NTM: variants seen among roughly 807,000 people sequenced by gnomAD.
The protein encoded by NTM is neurotrimin.
In NTM, 13 loss-of-function variants were observed where a neutral mutation model predicts 42.1. The ratio of observed to expected loss-of-function variants is 0.31; its 90% CI spans 0.20 to 0.49. NTM has a LOEUF of 0.49. Among genes scored for constraint, NTM ranks in the 20% least tolerant of loss-of-function variants. The pLI, the probability that NTM is intolerant of heterozygous loss-of-function variation, is 0.99. For synonymous variants in NTM, 187 were observed against 179.2 expected (o/e 1.04, Z -0.35); for missense variants, 373 against 452.8 (o/e 0.82, Z 1.60).
At chr11:131,771,016 G>A (rs1202955563) in intron 1 of NTM, 1 of 152,046 alleles carries the variant, frequency 6.6e-6, no homozygotes, top group Non-Finnish European at 1.5e-5. Flanking sequence ...TAGCACTGGT[G>A]ACTCACAAGA....
At chr11:131,801,751 C>T (rs2092132558) in intron 1 of NTM, among the ~76,000 whole-genome samples, 1 of 152,092 alleles carries the variant, frequency 6.6e-6, no homozygotes, top group Non-Finnish European at 1.5e-5. Context: ...TTAATGGTGG[C>T]ACGGGAACCA....
chr11:131,542,711 T>C (rs997295043), intron 1 of NTM, among the ~76,000 whole-genome samples: 1 of 152,132 alleles, frequency 6.6e-6, no homozygotes, highest in Non-Finnish European at 1.5e-5. Flanking sequence ...TGTCTCCAGG[T>C]AGCAGAGACA....
intron 1 of NTM, among the ~76,000 whole-genome samples, chr11:131,545,394 C>G (rs1479574647): frequency 6.6e-6 from 1 of 151,920 alleles, no homozygotes; most frequent in Non-Finnish European, 1.5e-5. Context: ...TTCTCATTCT[C>G]TTTCCTTTCC....
At chr11:131,789,641 AGAAGAAGAAGAAGAAGAAGAAGAAG>A (rs1565553168) in intron 1 of NTM, among the ~76,000 whole-genome samples, 8 of 125,866 alleles carry the variant, frequency 6.4e-5, no homozygotes, top group African/African-American at 2.4e-4. Flanking sequence ...GAAGAAAAGA[AGAAGAAGAAGAAGAAGAAGAAGAAG>A]AAAGCATGGG....
intron 1 of NTM, among the ~76,000 whole-genome samples, chr11:131,445,925 A>G (rs1950022639): frequency 6.6e-6 from 1 of 152,210 alleles, no homozygotes; most frequent in South Asian, 2.1e-4. Context: ...CCCTACAAGG[A>G]TAGATCTGAG....
intron 3 of NTM, among the ~76,000 whole-genome samples, chr11:132,170,426 A>G (rs1328721901): frequency 6.6e-6 from 1 of 152,204 alleles, no homozygotes; most frequent in Non-Finnish European, 1.5e-5. Context: ...CTTCCTTTAG[A>G]AAAGCTCTAT....
intron 4 of NTM, among the ~76,000 whole-genome samples, chr11:132,266,352 GT>G: frequency 6.6e-6 from 1 of 152,304 alleles, no homozygotes; most frequent in Non-Finnish European, 1.5e-5. Flanking sequence ...CCAGTGTGGA[GT>G]GGGGAGCCCT....
chr11:131,411,456 G>A (rs11825684), intron 1 of NTM, among the ~76,000 whole-genome samples: 2 of 151,724 alleles, frequency 1.3e-5, no homozygotes, highest in Admixed American at 6.6e-5. Flanking sequence ...GGAGAAAAAG[G>A]CTTCCGGATT....
rs538473624 is a variant in NTM, at chr11:132,060,916, G to A, written c.168-85366G>A. On this transcript the variant is annotated intron_variant, in intron 2 of 8. Transcript: ENST00000683400. The stretch of plus-strand genomic sequence containing the variant: ...TGTGAATGTTTGTGTTAGAGCATCT[G>A]CAAAAGCAAACACTTTTGCTATGTT... 7.2e-5 allele frequency among the ~76,000 whole-genome samples: 11 copies of A among 152,304 alleles called. No homozygotes were observed. In the South Asian group the frequency reaches 2.3e-3, roughly 32 times the overall value.
intron 1 of NTM, among the ~76,000 whole-genome samples, chr11:131,593,296 A>G (rs915047661): frequency 4.6e-5 from 7 of 152,132 alleles, no homozygotes; most frequent in Non-Finnish European, 7.3e-5. Context: ...GATTACAGGG[A>G]GAATTGCCTT....
chr11:131,439,740 A>G (rs897980753), intron 1 of NTM, among the ~76,000 whole-genome samples: 1 of 152,152 alleles, frequency 6.6e-6, no homozygotes, highest in African/African-American at 2.4e-5. Context: ...TAGGAAAGGA[A>G]AATCCCCTGA....
At chr11:131,530,634 C>T (rs1565606247) in intron 1 of NTM, among the ~76,000 whole-genome samples, 1 of 152,128 alleles carries the variant, frequency 6.6e-6, no homozygotes, top group Admixed American at 6.5e-5. Context: ...GAGGTCCTGC[C>T]AGCCTCAGCT....
At chr11:131,860,381 T>C (rs1427597894) in intron 1 of NTM, among the ~76,000 whole-genome samples, 16 of 152,066 alleles carry the variant, frequency 1.1e-4, no homozygotes, top group Non-Finnish European at 2.4e-4. Flanking sequence ...TTTCTTATGC[T>C]CTTTCCGTCC....
intron 2 of NTM, among the ~76,000 whole-genome samples, chr11:132,118,539 C>T (rs2064229214): frequency 6.6e-6 from 1 of 152,204 alleles, no homozygotes; most frequent in Non-Finnish European, 1.5e-5. Flanking sequence ...AACCTCGGAA[C>T]ACGGGCTTCC....
rs563352001 is a variant in NTM at position 131,457,113 on chromosome 11, G to T, written c.82+86225G>T. ...TGCCAGGAGCTGTACTTGGTGCTAG[G>T]GATATGGTGTTGAACCATGAGAGAG... On this transcript the variant is annotated intron_variant, in intron 1 of 8. Coordinates refer to ENST00000683400, the MANE Select transcript of NTM (RefSeq NM_001352005.2). Among the ~76,000 whole-genome samples the T allele has an allele frequency of 3.3e-5, 5 of 152,282 alleles. No individual in the cohort carries two copies. The South Asian group carries it at 1.0e-3, about 32-fold the overall frequency.
intron 1 of NTM, among the ~76,000 whole-genome samples, chr11:131,881,160 G>A (rs1337200088): frequency 1.3e-5 from 2 of 152,124 alleles, no homozygotes; most frequent in African/African-American, 2.4e-5. Context: ...TCGCTCAGCT[G>A]TGTCCAACCA....
At chr11:131,694,038 C>T (rs1297394870) in intron 1 of NTM, among the ~76,000 whole-genome samples, 1 of 152,204 alleles carries the variant, frequency 6.6e-6, no homozygotes, top group Non-Finnish European at 1.5e-5. Context: ...CTTGGTCACC[C>T]ACCTCTCCCC....
At chr11:131,624,612 CACTCATAGTGTTGTATT>C (rs2062924176) in intron 1 of NTM, among the ~76,000 whole-genome samples, 1 of 152,110 alleles carries the variant, frequency 6.6e-6, no homozygotes, top group Non-Finnish European at 1.5e-5. Flanking sequence ...GACTCATGGC[CACTCATAGTGTTGTATT>C]ACTCATAGCA....
chr11:132,188,202 C>T (rs116671031), intron 3 of NTM, among the ~76,000 whole-genome samples: 2,096 of 152,234 alleles, frequency 0.014, 51 homozygotes, highest in African/African-American at 0.047. Flanking sequence ...TCCTGCAATG[C>T]ACAGGACAGC....
Sources: allele counts gnomAD v4.1 joint callset (sites outside exome capture counted in the v4.1 genomes callset), GRCh38; gene constraint gnomAD v4.1.1; transcripts MANE v1.5; gene names NCBI Gene and HGNC (gene_info 2026-07-23, HGNC 2026-07-21).